The following ERBIN variants were observed in gnomAD, a reference collection of about 807,000 sequenced individuals.
ERBIN encodes densin-180-like protein.
Under a neutral mutation model 158.4 loss-of-function variants are expected in ERBIN, and 60 were observed. That is an observed-to-expected ratio of 0.38 (90% CI 0.31 to 0.47). The LOEUF (loss-of-function observed/expected upper bound fraction) is 0.47, where lower values mean the gene tolerates loss of function less well. Among genes scored for constraint, ERBIN ranks in the 20% least tolerant of loss-of-function variants. The pLI is 0.99. For synonymous variants in ERBIN, 594 were observed against 557.2 expected, an observed-to-expected ratio of 1.07 and a Z score of -0.93; for missense variants, 1,610 against 1,648.0, an observed-to-expected ratio of 0.98 and a Z score of 0.40.
chr5:66,038,925 T>G (rs1286800900), intron 15 of ERBIN, among the ~76,000 whole-genome samples: 1 of 151,922 alleles, frequency 6.6e-6, no homozygotes, highest in Non-Finnish European at 1.5e-5. Flanking sequence ...CAAGGGGGAG[T>G]ATACCTTTTA....
chr5:66,037,918 A>C (rs1330894042), intron 14 of ERBIN, among the ~76,000 whole-genome samples: 1 of 152,140 alleles, frequency 6.6e-6, no homozygotes, highest in African/African-American at 2.4e-5. Flanking sequence ...GATTGTTTTC[A>C]TCATTCTCTT....
At chr5:65,953,030 G>A (rs1255578339) in intron 1 of ERBIN, among the ~76,000 whole-genome samples, 1 of 152,222 alleles carries the variant, frequency 6.6e-6, no homozygotes, top group African/African-American at 2.4e-5. Flanking sequence ...TTAGAATTTA[G>A]TATTTTCAGA....
At chr5:65,987,022 G>A (rs1324566616) in intron 1 of ERBIN, among the ~76,000 whole-genome samples, 1 of 152,066 alleles carries the variant, frequency 6.6e-6, no homozygotes, top group Non-Finnish European at 1.5e-5. Context: ...GTACACATAC[G>A]AGGCTAGAAA....
intron 4 of ERBIN, among the ~76,000 whole-genome samples, chr5:66,006,811 A>G (rs1475488710): frequency 6.6e-6 from 1 of 152,154 alleles, no homozygotes; most frequent in African/African-American, 2.4e-5. Context: ...ACTGGCCATC[A>G]GAGAAATGCA....
chr5:66,072,146 A>G lies in ERBIN; in HGVS notation c.3634-23A>G, dbSNP rs76755657. The G allele has an allele frequency of 3.4e-3, 5,224 of 1,544,452 alleles. 153 individuals carry two copies. The African/African-American group carries it at 0.063, about 19-fold the overall frequency. On this transcript the variant is annotated intron_variant, in intron 21 of 25. Transcript: ENST00000284037. ...ACATCTTAAAGAACATTATTTGTTT[A>G]CTTTTTATTTCCTGCTCATTAGAAG... is the stretch of plus-strand genomic sequence containing the variant.
intron 21 of ERBIN, among the ~76,000 whole-genome samples, chr5:66,065,263 A>G (rs1353976856): frequency 6.6e-6 from 1 of 152,204 alleles, no homozygotes; most frequent in East Asian, 1.9e-4. Context: ...TAAGAGACTG[A>G]AAAGATACAT....
chr5:65,992,211 G>T (rs967334175), intron 2 of ERBIN, among the ~76,000 whole-genome samples: 1 of 151,976 alleles, frequency 6.6e-6, no homozygotes, highest in Non-Finnish European at 1.5e-5. Flanking sequence ...ATGCAGTGGC[G>T]CGATCTCGGC....
intron 21 of ERBIN, among the ~76,000 whole-genome samples, chr5:66,059,289 CTT>C (rs1161083294): frequency 1.3e-5 from 2 of 152,128 alleles, no homozygotes; most frequent in African/African-American, 4.8e-5. Flanking sequence ...GTTTTATTCT[CTT>C]TGAAGCAATT....
At chr5:66,043,408 A>G (rs1758108994) in intron 16 of ERBIN, among the ~76,000 whole-genome samples, 1 of 152,178 alleles carries the variant, frequency 6.6e-6, no homozygotes, top group Non-Finnish European at 1.5e-5. Context: ...TAAATTTCAT[A>G]GTATATATAA....
Position 66,080,731 on chromosome 5 carries a change from G to C in ERBIN, c.*2201G>C, listed in dbSNP as rs1292671987. ...TTTGGAAAAGGAATTAAGCCTCACG[G>C]AACAATGGATCTTCAGCAAACCTTA... On this transcript the variant is annotated 3_prime_UTR_variant, in exon 26 of 26. Coordinates refer to ENST00000284037, the MANE Select transcript of ERBIN (RefSeq NM_001253697.2). The C allele has an allele frequency of 1.3e-5, 2 of 151,938 alleles. No individual in the cohort carries two copies. The highest frequency in any genetic ancestry group is 4.8e-5 in the African/African-American group (2 of 41,418). 9.4% of individuals were successfully genotyped at this position (151,938 alleles called of 1,614,324 possible).
intron 9 of ERBIN, among the ~76,000 whole-genome samples, chr5:66,023,673 A>ATTTT: frequency 7.6e-6 from 1 of 131,618 alleles, no homozygotes; most frequent in Non-Finnish European, 1.6e-5. Context: ...AACTTTCTGA[A>ATTTT]TTTTTTTTTT....
chr5:65,935,049 GT>G (rs1743913236), intron 1 of ERBIN, among the ~76,000 whole-genome samples: 1 of 151,994 alleles, frequency 6.6e-6, no homozygotes, highest in Non-Finnish European at 1.5e-5. Flanking sequence ...GTACATTGTT[GT>G]TTTTAGGGTA....
At chr5:66,000,240 A>G (rs148599730) in intron 4 of ERBIN, among the ~76,000 whole-genome samples, 20 of 152,316 alleles carry the variant, frequency 1.3e-4, no homozygotes, top group Non-Finnish European at 2.1e-4. Context: ...TGGCTCAGTA[A>G]TGAAAATAAC....
At chr5:65,996,507 C>G (rs1286453284) in intron 4 of ERBIN, among the ~76,000 whole-genome samples, 3 of 152,050 alleles carry the variant, frequency 2.0e-5, no homozygotes, top group African/African-American at 7.2e-5. Flanking sequence ...TGTCTGTATT[C>G]ATGTCATTAC....
At chr5:66,061,317 G>A (rs1300116260) in intron 21 of ERBIN, among the ~76,000 whole-genome samples, 2 of 152,086 alleles carry the variant, frequency 1.3e-5, no homozygotes, top group African/African-American at 4.8e-5. Context: ...TGACTCTTTT[G>A]ATCTTTGTTG....
At chr5:65,979,859 A>G (rs1467018935) in intron 1 of ERBIN, among the ~76,000 whole-genome samples, 2 of 152,262 alleles carry the variant, frequency 1.3e-5, no homozygotes, top group Non-Finnish European at 2.9e-5. Flanking sequence ...ACAATGTATT[A>G]TCGAATTTAT....
At chr5:65,960,987 T>C (rs946467851) in intron 1 of ERBIN, among the ~76,000 whole-genome samples, 1 of 152,204 alleles carries the variant, frequency 6.6e-6, no homozygotes, top group African/African-American at 2.4e-5. Context: ...AATGACTCTT[T>C]TGACAACCAC....
chr5:66,052,919 A>G (rs1374335921), intron 20 of ERBIN, among the ~76,000 whole-genome samples: 2 of 152,180 alleles, frequency 1.3e-5, no homozygotes, highest in African/African-American at 4.8e-5. Flanking sequence ...ATGTAATAAC[A>G]ACTGTGTACT....
intron 4 of ERBIN, among the ~76,000 whole-genome samples, chr5:66,005,548 G>C (rs931707449): frequency 8.5e-5 from 13 of 152,182 alleles, no homozygotes; most frequent in African/African-American, 2.9e-4. Flanking sequence ...AATGAGCCCT[G>C]GTTGGGCAAT....
Sources: allele counts gnomAD v4.1 joint callset (sites outside exome capture counted in the v4.1 genomes callset), GRCh38; gene constraint gnomAD v4.1.1; transcripts MANE v1.5; gene names NCBI Gene and HGNC (gene_info 2026-07-23, HGNC 2026-07-21).